Variants in CLNK observed in about 807,000 individuals in gnomAD.
The protein encoded by CLNK is cytokine-dependent hematopoietic cell linker.
CLNK carries 74 observed loss-of-function variants against 68.6 expected under a neutral mutation model. That is an observed-to-expected ratio of 1.08 (90% CI 0.89 to 1.31). The LOEUF is 1.31. Among genes scored for constraint, CLNK ranks in the 50% most tolerant of loss-of-function variants. The pLI is 0.00. For missense variants in CLNK, 553 were observed against 515.3 expected, an observed-to-expected ratio of 1.07 and a Z score of -0.71; for synonymous variants, 198 against 172.2, an observed-to-expected ratio of 1.15 and a Z score of -1.17.
intron 8 of CLNK, among the ~76,000 whole-genome samples, chr4:10,552,864 A>G (rs1001619567): frequency 1.3e-5 from 2 of 152,060 alleles, no homozygotes; most frequent in African/African-American, 4.8e-5. Context: ...ACCCATTTTC[A>G]TCCTGCATTA....
At chr4:10,529,133 G>A (rs575486234) in intron 12 of CLNK, among the ~76,000 whole-genome samples, 44 of 152,274 alleles carry the variant, frequency 2.9e-4, no homozygotes, top group Middle Eastern at 6.8e-3. Flanking sequence ...GTATCATTTA[G>A]ATAAGAACTG....
upstream of CLNK, among the ~76,000 whole-genome samples, chr4:10,687,396 A>G (rs1187125355): frequency 6.6e-6 from 1 of 152,152 alleles, no homozygotes; most frequent in African/African-American, 2.4e-5. Flanking sequence ...AAGTGACAAG[A>G]GATCTGAGGT....
At chr4:10,701,462 A>T in the CLNK span, among the ~76,000 whole-genome samples, 1 of 152,216 alleles carries the variant, frequency 6.6e-6, no homozygotes, top group African/African-American at 2.4e-5. Context: ...GTCCTGTGCT[A>T]GACTCTGGGA....
intron 4 of CLNK, among the ~76,000 whole-genome samples, chr4:10,584,574 T>C (rs1478135515): frequency 6.6e-6 from 1 of 152,138 alleles, no homozygotes; most frequent in Non-Finnish European, 1.5e-5. Context: ...ACCAATTATA[T>C]GGAATTTAGT....
At chr4:10,537,559 G>A (rs932054746) in intron 11 of CLNK, among the ~76,000 whole-genome samples, 5 of 151,604 alleles carry the variant, frequency 3.3e-5, no homozygotes, top group African/African-American at 1.2e-4. Context: ...GAACAGATGG[G>A]AGAAGCTGGT....
At chr4:10,674,322 C>T (rs908915068) in intron 1 of CLNK, among the ~76,000 whole-genome samples, 4 of 152,070 alleles carry the variant, frequency 2.6e-5, no homozygotes, top group African/African-American at 7.2e-5. Context: ...CTTATTTCTC[C>T]AACAAGAAAA....
intron 2 of CLNK, among the ~76,000 whole-genome samples, chr4:10,666,304 T>G (rs1045213348): frequency 6.6e-6 from 1 of 152,248 alleles, no homozygotes; most frequent in Non-Finnish European, 1.5e-5. Flanking sequence ...ACACCTGCTG[T>G]GCTGTGTATG....
intron 15 of CLNK, 82 bp from the exon 16 acceptor site, chr4:10,513,679 C>T: frequency 1.5e-6 from 2 of 1,374,248 alleles, no homozygotes; most frequent in African/African-American, 2.9e-5. Flanking sequence ...AGCTGAAACC[C>T]TTTGCTCCTT....
At chr4:10,541,058 A>G (rs1382902906) in intron 10 of CLNK, among the ~76,000 whole-genome samples, 1 of 152,074 alleles carries the variant, frequency 6.6e-6, no homozygotes, top group Non-Finnish European at 1.5e-5. Flanking sequence ...TACTAAAAAT[A>G]CAAAAATTAG....
intron 2 of CLNK, among the ~76,000 whole-genome samples, chr4:10,635,074 T>G (rs1425650582): frequency 1.3e-5 from 2 of 152,202 alleles, no homozygotes; most frequent in African/African-American, 4.8e-5. Context: ...GTTTCTAGAT[T>G]GATGACATTT....
chr4:10,609,667 A>G (rs1338561419), intron 2 of CLNK, among the ~76,000 whole-genome samples: 1 of 152,234 alleles, frequency 6.6e-6, no homozygotes, highest in Non-Finnish European at 1.5e-5. Flanking sequence ...ACTGAGGCAG[A>G]AAAGGGCTTC....
chr4:10,675,335 T>C (rs1481007489), intron 1 of CLNK, among the ~76,000 whole-genome samples: 1 of 152,202 alleles, frequency 6.6e-6, no homozygotes, highest in Non-Finnish European at 1.5e-5. Flanking sequence ...TCTGAGTGAA[T>C]GTTTTAAGAA....
At chr4:10,577,949 G>A (rs549089162) in intron 4 of CLNK, among the ~76,000 whole-genome samples, 10 of 152,264 alleles carry the variant, frequency 6.6e-5, no homozygotes, top group South Asian at 4.1e-4. Context: ...GAGCTGAGTC[G>A]AGAAGTTTTA....
At chr4:10,723,919 A>AGAGAGAGAGACAGAGAGAGAGAG in the CLNK span, among the ~76,000 whole-genome samples, 8 of 148,092 alleles carry the variant, frequency 5.4e-5, no homozygotes, top group South Asian at 2.2e-4. Flanking sequence ...AGAGAGAGAG[A>AGAGAGAGAGACAGAGAGAGAGAG]AGGCAGGGCA....
the CLNK span, among the ~76,000 whole-genome samples, chr4:10,692,450 A>G: frequency 1.3e-5 from 2 of 152,168 alleles, no homozygotes; most frequent in Non-Finnish European, 2.9e-5. Context: ...GCACAGCTTC[A>G]TGGTCTCCTT....
chr4:10,564,818 A>G (rs1720040843), intron 6 of CLNK, 41 bp from the exon 7 acceptor site: 1 of 1,170,426 alleles, frequency 8.5e-7, no homozygotes, highest in African/African-American at 1.5e-5. Flanking sequence ...CCTTACGTGG[A>G]CTCAGCACAT....
chr4:10,676,055 G>T (rs1311419079), intron 1 of CLNK, among the ~76,000 whole-genome samples: 1 of 149,882 alleles, frequency 6.7e-6, no homozygotes, highest in Non-Finnish European at 1.5e-5. Flanking sequence ...GAGTGTGTGT[G>T]TGTGTGTGTG....
chr4:10,546,211 G>A (rs1577120458), intron 8 of CLNK, among the ~76,000 whole-genome samples: 2 of 152,136 alleles, frequency 1.3e-5, no homozygotes, highest in East Asian at 1.9e-4. Flanking sequence ...GCCAGGCTGA[G>A]TTTTCCAAAT....
intron 2 of CLNK, among the ~76,000 whole-genome samples, chr4:10,607,035 G>C (rs557692322): frequency 7.9e-5 from 12 of 152,278 alleles, no homozygotes; most frequent in African/African-American, 2.9e-4. Context: ...ATGGTTCAGG[G>C]CTCTAGCCAT....
Sources: gnomAD v4.1 joint callset for allele counts (sites outside exome capture counted in the v4.1 genomes callset) on GRCh38, gnomAD v4.1.1 for gene constraint, MANE v1.5 for transcripts, NCBI Gene and HGNC (gene_info 2026-07-23, HGNC 2026-07-21) for gene names.